DGKK: variants seen among roughly 807,000 people sequenced by gnomAD.
The protein encoded by DGKK is diacylglycerol kinase kappa.
Under a neutral mutation model 92.2 loss-of-function variants are expected in DGKK, and 35 were observed. The ratio of observed to expected loss-of-function variants is 0.38; its 90% CI spans 0.29 to 0.50. The LOEUF is 0.50. Among genes scored for constraint, DGKK ranks in the 20% least tolerant of loss-of-function variants. The pLI is 0.92. For synonymous variants in DGKK, 368 were observed against 360.6 expected (o/e 1.02, Z -0.23); for missense variants, 910 against 992.2 (o/e 0.92, Z 1.11).
rs1557234340 is a variant in DGKK, at chrX:50,470,056, G to A, written c.623C>T (p.Pro208Leu). 8.3e-7 allele frequency: 1 copy of A among 1,203,983 alleles called. No individual in the cohort carries two copies. Residue 208 changes from proline (P) to leucine (L), a missense_variant, in exon 1 of 28, where the codon CCA becomes CTA. Physicochemically the swap from Pro to Leu is moderately conservative, Grantham distance 98 (BLOSUM62 -3). Coordinates refer to ENST00000611977, the MANE Select transcript of DGKK (RefSeq NM_001013742.4). ...SPSPSPSPRT[P>L]MSWSRIKKIL... is the part of the protein sequence containing the mutation. ...TACCTTTATTCTGGACCACGACATTGGCGTTCTGGGCGATGGCGATGGCGA... is the reference window on the plus strand; with the variant it reads ...TACCTTTATTCTGGACCACGACATTAGCGTTCTGGGCGATGGCGATGGCGA...
intron 8 of DGKK, 138 bp downstream of exon 8, chrX:50,400,899 A>G (rs1924984215): frequency 1.9e-6 from 1 of 527,106 alleles, no homozygotes; most frequent in Non-Finnish European, 3.2e-6. Context: ...GGAGCTATCT[A>G]TATACACATG....
At chrX:50,431,941 T>C (rs782674263) in intron 1 of DGKK, among the ~76,000 whole-genome samples, 1 of 111,644 alleles carries the variant, frequency 9.0e-6, no homozygotes, top group Non-Finnish European at 1.9e-5. Flanking sequence ...TTACAGAGCA[T>C]GTGCCTGCCA....
intron 6 of DGKK, 139 bp downstream of exon 6, chrX:50,403,352 T>A: frequency 1.2e-6 from 1 of 859,973 alleles, no homozygotes; most frequent in Non-Finnish European, 1.6e-6. Flanking sequence ...GGAGGGAGGT[T>A]CATTCTTCCA....
At chrX:50,446,647 G>A (rs1287159029) in intron 1 of DGKK, among the ~76,000 whole-genome samples, 2 of 111,124 alleles carry the variant, frequency 1.8e-5, no homozygotes, top group African/African-American at 6.5e-5. Context: ...TATGTGACTT[G>A]AAAATATTTT....
At position 50,420,507 on chromosome X, in the gene DGKK, C is replaced by T; in HGVS notation, c.838G>A (p.Val280Ile). 8.3e-7 allele frequency: 1 copy of T among 1,207,670 alleles called. No homozygotes were observed. The highest frequency in any genetic ancestry group is 2.2e-5 in the Admixed American group (1 of 45,737). ...SCRNLCHSFC[V>I]ITPQRKITLA... is the part of the protein sequence containing the mutation. ...GTGATTTTTCGTTGTGGTGTAATAA[C>T]CTAAACAAAAAGCCACATTATTAGC... Residue 280 changes from valine (V) to isoleucine (I), a missense_variant and splice_region_variant, in exon 4 of 28, where the codon GTT becomes ATT. Physicochemically the swap from Val to Ile is conservative, Grantham distance 29. Coordinates refer to ENST00000611977, the MANE Select transcript of DGKK (RefSeq NM_001013742.4).
intron 23 of DGKK, 81 bp from the exon 24 acceptor site, chrX:50,376,246 A>G: frequency 9.5e-7 from 1 of 1,056,643 alleles, no homozygotes; most frequent in Admixed American, 2.6e-5. Context: ...GGTTTGGGTA[A>G]GGGTAGAAGT....
rs193069844 is a variant in DGKK at position 50,450,134 on chromosome X, T to C, written c.645+19900A>G. On this transcript the variant is annotated intron_variant, in intron 1 of 27. Transcript: ENST00000611977. ...ATTTTTCATACTTTTGCAACTAAGATTCATATTTGGCTCCATATGCAAAAA... is the reference window on the plus strand; with the variant it reads ...ATTTTTCATACTTTTGCAACTAAGACTCATATTTGGCTCCATATGCAAAAA... 7.1e-5 allele frequency among the ~76,000 whole-genome samples: 8 copies of C among 111,911 alleles called. No homozygotes were observed. In the East Asian group the frequency reaches 2.0e-3, roughly 28 times the overall value.
chrX:50,378,757 G>A (rs1171526589), intron 20 of DGKK, 66 bp from the exon 21 acceptor site: 4 of 892,507 alleles, frequency 4.5e-6, no homozygotes, highest in Non-Finnish European at 6.4e-6. Flanking sequence ...ATAACAAGAA[G>A]GCATGTTTAA....
intron 24 of DGKK, among the ~76,000 whole-genome samples, chrX:50,375,551 C>A (rs781810812): frequency 9.0e-6 from 1 of 111,677 alleles, no homozygotes; most frequent in South Asian, 3.8e-4. Context: ...TTAAAAGCAT[C>A]AGTTAACAAT....
chrX:50,464,068 A>G (rs1320437800), intron 1 of DGKK, among the ~76,000 whole-genome samples: 1 of 109,769 alleles, frequency 9.1e-6, no homozygotes, highest in Non-Finnish European at 1.9e-5. Flanking sequence ...AAAAGAATAA[A>G]GTTTTTGAGT....
chrX:50,449,318 T>C (rs191846717), intron 1 of DGKK, among the ~76,000 whole-genome samples: 1 of 111,324 alleles, frequency 9.0e-6, no homozygotes, highest in African/African-American at 3.3e-5. Flanking sequence ...CTGGGAAAGA[T>C]CCACCCAAAG....
At chrX:50,402,809 C>T (rs1216658898) in intron 7 of DGKK, among the ~76,000 whole-genome samples, 1 of 111,585 alleles carries the variant, frequency 9.0e-6, no homozygotes, top group African/African-American at 3.3e-5. Context: ...GAGAGCTCAG[C>T]TTTTCCCATT....
chrX:50,408,219 G>T (rs781805765), intron 4 of DGKK, among the ~76,000 whole-genome samples: 1 of 111,733 alleles, frequency 8.9e-6, no homozygotes, highest in East Asian at 2.8e-4. Context: ...AGGGGCTTGT[G>T]GGGGGATTGA....
chrX:50,392,174 A>T (rs1399375794), intron 10 of DGKK, among the ~76,000 whole-genome samples, 167 bp downstream of exon 10: 1 of 112,595 alleles, frequency 8.9e-6, no homozygotes, highest in Non-Finnish European at 1.9e-5. Flanking sequence ...AAAACAGTGT[A>T]GATGAGTAGG....
At chrX:50,405,527 G>A (rs1333725690) in intron 4 of DGKK, among the ~76,000 whole-genome samples, 2 of 100,960 alleles carry the variant, frequency 2.0e-5, no homozygotes, top group African/African-American at 3.7e-5. Context: ...GACAGTGGGG[G>A]GAGAGAGAGA....
intron 1 of DGKK, among the ~76,000 whole-genome samples, chrX:50,464,062 GA>G (rs1569545260): frequency 9.2e-6 from 1 of 108,228 alleles, no homozygotes; most frequent in East Asian, 2.8e-4. Flanking sequence ...AAAATAAAAA[GA>G]ATAAAGTTTT....
chrX:50,454,575 C>G, intron 1 of DGKK, among the ~76,000 whole-genome samples: 1 of 111,841 alleles, frequency 8.9e-6, no homozygotes, highest in Non-Finnish European at 1.9e-5. Flanking sequence ...AGGTCCAAAT[C>G]CCTCTGCCTT....
intron 1 of DGKK, among the ~76,000 whole-genome samples, chrX:50,424,895 ATC>A (rs1315286518): frequency 1.8e-5 from 2 of 111,772 alleles, no homozygotes; most frequent in African/African-American, 3.3e-5. Context: ...CGGACTCATG[ATC>A]TCATGAAGGA....
chrX:50,367,473 T>C lies in DGKK; in HGVS notation c.*1467A>G, dbSNP rs1311643255. 8.9e-6 allele frequency: 1 copy of C among 111,917 alleles called. No homozygotes were observed. The highest frequency in any genetic ancestry group is 1.9e-5 in the Non-Finnish European group (1 of 53,187). 9.2% of individuals were successfully genotyped at this position (111,917 alleles called of 1,213,427 possible). On this transcript the variant is annotated 3_prime_UTR_variant, in exon 28 of 28. Transcript: ENST00000611977. Reference sequence around the variant, plus strand: ...AGCACAGGCTTCTAGCCTTCATTTCTCCAGGCCCATGTTTTTTCTGATCAC... The same window carrying C: ...AGCACAGGCTTCTAGCCTTCATTTCCCCAGGCCCATGTTTTTTCTGATCAC...
Sources: gnomAD v4.1 joint callset for allele counts (sites outside exome capture counted in the v4.1 genomes callset) on GRCh38, gnomAD v4.1.1 for gene constraint, MANE v1.5 for transcripts, NCBI Gene and HGNC (gene_info 2026-07-23, HGNC 2026-07-21) for gene names.